Variants in MYH7 observed in about 807,000 individuals in gnomAD.
MYH7 encodes myosin heavy chain 7.
MYH7 carries 129 observed loss-of-function variants against 225.4 expected under a neutral mutation model. The ratio of observed to expected loss-of-function variants is 0.57; its 90% CI spans 0.50 to 0.66. The LOEUF (loss-of-function observed/expected upper bound fraction) is 0.66. Ranked by LOEUF, MYH7 falls within the 30% of genes least tolerant of loss-of-function variation. The probability of loss-of-function intolerance (pLI) is 0.00; values close to 1 mark genes in which losing one functional copy is unlikely to be tolerated. For missense variants in MYH7, 1,649 were observed against 2,517.0 expected, an observed-to-expected ratio of 0.66 and a Z score of 7.38; for synonymous variants, 971 against 1,007.6, an observed-to-expected ratio of 0.96 and a Z score of 0.69.
At chr14:23,434,560 C>G (rs140996802) in intron 1 of MYH7, among the ~76,000 whole-genome samples, 5 of 152,350 alleles carry the variant, frequency 3.3e-5, no homozygotes, top group African/African-American at 1.2e-4. Context: ...TGAGAGACAA[C>G]TAATGGTCAC....
In MYH7 at chr14:23,423,674, T is replaced by C. The variant is rs549102911; in HGVS notation, c.2972A>G (p.Lys991Arg). Residue 991 changes from lysine (K) to arginine (R), a missense_variant, in exon 24 of 40, where the codon AAG (lysine) becomes AGG (arginine). By Grantham distance (26) the Lys-to-Arg change is conservative. Coordinates refer to ENST00000355349, the MANE Select transcript of MYH7 (RefSeq NM_000257.4). ...CAGAGCTTTCTTCTCCTTGGTCAGC[T>C]TGGCAATGATCTCATCCAGCCCAGC... ...EMAGLDEIIA[K>R]LTKEKKALQE... 6.2e-7 allele frequency: 1 copy of C among 1,614,128 alleles called. No homozygotes were observed. The highest frequency in any genetic ancestry group is 8.5e-7 in the Non-Finnish European group (1 of 1,180,010).
intron 9 of MYH7, 134 bp from the exon 10 acceptor site, chr14:23,431,133 G>C: frequency 1.3e-6 from 1 of 743,878 alleles, no homozygotes; most frequent in African/African-American, 1.7e-5. Flanking sequence ...CAGACACAAA[G>C]AGATCACACA....
In MYH7 at chr14:23,422,233, C is replaced by T. The variant is rs550258745; in HGVS notation, c.3192G>A (p.Glu1064=). 6 of 1,613,994 alleles carry T rather than the reference C, an allele frequency of 3.7e-6. No homozygotes were observed. The South Asian group carries it at 6.6e-5, about 18-fold the overall frequency. Reference sequence around the variant, plus strand: ...TGTCATTCTCCAGGTCCATGATGCTCTCCTGGGTCAGCTTCAGGTCGCCCT... The same window carrying T: ...TGTCATTCTCCAGGTCCATGATGCTTTCCTGGGTCAGCTTCAGGTCGCCCT... ...KLEGDLKLTQ[E]SIMDLENDKQ... is the part of the protein sequence containing the mutation. Residue 1064 remains glutamate (E), a synonymous_variant, in exon 25 of 40, where the codon GAG becomes GAA. Coordinates refer to ENST00000355349, the MANE Select transcript of MYH7 (RefSeq NM_000257.4).
chr14:23,433,751 C>T lies in MYH7; in HGVS notation c.-8-11G>A, dbSNP rs371190591. The T allele has an allele frequency of 6.2e-7, 1 of 1,612,826 alleles. No homozygotes were observed. Among genetic ancestry groups the T allele is most frequent in the Non-Finnish European group, 8.5e-7 (1 of 1,179,828 alleles). ...CTCCCATGGCTGTGCCTGGAGTGAG[C>T]AGAAGCTGGCTGCCCTCCCATCTGC... On this transcript the variant is annotated splice_polypyrimidine_tract_variant and intron_variant, in intron 2 of 39. Transcript: ENST00000355349. The surrounding 1 kb of genome is among the most constrained non-coding windows in gnomAD (Gnocchi z 4.1).
rs779738930 is a variant in MYH7 at position 23,433,144 on chromosome 14, G to A, written c.285C>T (p.Phe95=). 1.2e-6 allele frequency: 2 copies of A among 1,614,030 alleles called. No individual in the cohort carries two copies. The highest frequency in any genetic ancestry group is 2.7e-5 in the African/African-American group (2 of 74,908). Residue 95 remains phenylalanine (F), a synonymous_variant, in exon 4 of 40, where the codon TTC becomes TTT. Coordinates refer to ENST00000355349, the MANE Select transcript of MYH7 (RefSeq NM_000257.4). The surrounding 1 kb of genome is among the most constrained non-coding windows in gnomAD (Gnocchi z 4.1). ...TGTAGAGCACCGCGGGCTCATGCAG[G>A]AAGGTCAGCATGGCCATGTCCTCGA... ...DKIEDMAMLT[F]LHEPAVLYNL... is the part of the protein sequence containing the mutation.
intron 11 of MYH7, 144 bp from the exon 12 acceptor site, chr14:23,430,057 A>G: frequency 2.1e-6 from 2 of 973,734 alleles, no homozygotes; most frequent in Non-Finnish European, 3.1e-6. Flanking sequence ...CTCCAAAACA[A>G]AGGATGTAAG....
chr14:23,414,909 C>T, intron 37 of MYH7, 86 bp downstream of exon 37: 1 of 1,595,376 alleles, frequency 6.3e-7, no homozygotes, highest in East Asian at 2.2e-5. Context: ...CTGGAAGAGG[C>T]TAAGAGCAAA....
In MYH7 at chr14:23,432,290, G is replaced by A. The variant is rs186253473; in HGVS notation, c.530+189C>T. ...AGGTGGGAGAGGAAAAACATGAAGGGGATGGAAAGCAGAAAGGAAGAGGGA... is the reference window on the plus strand; with the variant it reads ...AGGTGGGAGAGGAAAAACATGAAGGAGATGGAAAGCAGAAAGGAAGAGGGA... On this transcript the variant is annotated intron_variant, in intron 6 of 39. Transcript: ENST00000355349. 4.6e-3 allele frequency among the ~76,000 whole-genome samples: 701 copies of A among 152,230 alleles called. 6 individuals are homozygous for A. The highest frequency in any genetic ancestry group is 0.02 in the South Asian group (97 of 4,822).
intron 24 of MYH7, 148 bp downstream of exon 24, chr14:23,423,399 C>A: frequency 1.8e-6 from 2 of 1,110,968 alleles, no homozygotes; most frequent in South Asian, 2.6e-5. Context: ...GAAAAGTTAA[C>A]ATCCTCTAAC....
chr14:23,428,392 G>A, intron 15 of MYH7, 108 bp downstream of exon 15: 1 of 1,557,254 alleles, frequency 6.4e-7, no homozygotes, highest in South Asian at 1.1e-5. Flanking sequence ...GGATCCTTCA[G>A]CCCCTTCTAT....
chr14:23,417,119 A>C, intron 32 of MYH7, 34 bp downstream of exon 32: 1 of 1,614,106 alleles, frequency 6.2e-7, no homozygotes, highest in Non-Finnish European at 8.5e-7. Flanking sequence ...CTGCCAGTGC[A>C]GCCCCTCCCC....
chr14:23,419,395 C>T (rs1892369492), intron 28 of MYH7, 88 bp downstream of exon 28: 4 of 1,611,674 alleles, frequency 2.5e-6, no homozygotes, highest in South Asian at 1.1e-5. Flanking sequence ...TCTGTGTGTG[C>T]GTGTATTGGC....
chr14:23,414,994 C>G lies in MYH7; in HGVS notation c.5559+1G>C. 2 of 1,606,800 alleles carry G rather than the reference C, an allele frequency of 1.2e-6. No individual in the cohort carries two copies. The highest frequency in any genetic ancestry group is 1.7e-6 in the Non-Finnish European group (2 of 1,179,988). On this transcript the variant is annotated splice_donor_variant, in intron 37 of 39. Transcript: ENST00000355349. LOFTEE classifies it high-confidence loss of function. ...CTGCCTGGAGTCACCGCCCGTCGCA[C>G]CTGGTAGGTGAGCTCCTTGATGCGC...
rs1457445522 is a variant in MYH7, at chr14:23,425,386, C to T, written c.2319G>A (p.Leu773=). ...TCAGCCTCTCGTCCCTCATTTCCTC[C>T]AGCAGCCCCAGCAGCCCGGCCTTGA... The part of the protein sequence containing the change: ...VFFKAGLLGL[L]EEMRDERLSR... The change falls in exon 21 of 40, where the codon CTG becomes CTA. Residue 773 remains leucine, a synonymous_variant. Transcript: ENST00000355349. The surrounding 1 kb of genome is among the most constrained non-coding windows in gnomAD (Gnocchi z 4.6). 6.2e-7 allele frequency: 1 copy of T among 1,614,190 alleles called. No homozygotes were observed. The highest frequency in any genetic ancestry group is 1.7e-5 in the Admixed American group (1 of 60,026).
At chr14:23,432,440 G>A in intron 6 of MYH7, 39 bp downstream of exon 6, 1 of 1,613,478 alleles carries the variant, frequency 6.2e-7, no homozygotes, top group Non-Finnish European at 8.5e-7. Flanking sequence ...CTGGGATCAG[G>A]GAGATTCTGA....
chr14:23,414,575 A>T (rs1415282656), intron 37 of MYH7, among the ~76,000 whole-genome samples: 1 of 152,194 alleles, frequency 6.6e-6, no homozygotes, highest in African/African-American at 2.4e-5. Context: ...TCTAATTCAG[A>T]GTCTGATTCT....
chr14:23,416,865 C>T lies in MYH7; in HGVS notation c.4644+3G>A, dbSNP rs397516226. On this transcript the variant is annotated splice_donor_region_variant and intron_variant, in intron 33 of 39. Coordinates refer to ENST00000355349, the MANE Select transcript of MYH7 (RefSeq NM_000257.4). ...GCACCCCGTGCCCTGCACACACACA[C>T]ACCTCGGCCTCCTCCAGGGCTGACT... The T allele has an allele frequency of 6.2e-7, 1 of 1,614,036 alleles. No individual in the cohort carries two copies. Among genetic ancestry groups the T allele is most frequent in the African/African-American group, 1.3e-5 (1 of 74,930 alleles).
intron 37 of MYH7, 137 bp downstream of exon 37, chr14:23,414,858 G>A: frequency 6.8e-7 from 1 of 1,469,058 alleles, no homozygotes; most frequent in Non-Finnish European, 9.3e-7. Context: ...GTGGGGCAGG[G>A]CTAGGCAAAG....
At chr14:23,432,237 G>A (rs557004701) in intron 6 of MYH7, among the ~76,000 whole-genome samples, 4 of 152,282 alleles carry the variant, frequency 2.6e-5, no homozygotes, top group South Asian at 2.1e-4. Context: ...CTGGATAAAC[G>A]CGTGATGAGT....
Sources: allele counts gnomAD v4.1 joint callset (sites outside exome capture counted in the v4.1 genomes callset), GRCh38; gene constraint gnomAD v4.1.1; non-coding constraint Gnocchi (gnomAD v3.1); transcripts MANE v1.5; gene names NCBI Gene and HGNC (gene_info 2026-07-23, HGNC 2026-07-21).